The following INTS7 variants were observed in gnomAD, a reference collection of about 807,000 sequenced individuals.
The protein encoded by INTS7 is chromosome 1 open reading frame 73.
In INTS7, 46 loss-of-function variants were observed where a neutral mutation model predicts 109.2. The observed-to-expected ratio is 0.42, with a 90% CI of 0.33 to 0.54. INTS7 has a LOEUF of 0.54. INTS7 is among the 20% of genes least tolerant of loss of function. The pLI is 0.07. For synonymous variants in INTS7, 412 were observed against 402.9 expected, an observed-to-expected ratio of 1.02 and a Z score of -0.27; for missense variants, 929 against 1,132.4, an observed-to-expected ratio of 0.82 and a Z score of 2.58.
chr1:212,024,119 A>C (rs1200197009), intron 1 of INTS7, among the ~76,000 whole-genome samples: 1 of 152,170 alleles, frequency 6.6e-6, no homozygotes, highest in East Asian at 1.9e-4. Context: ...GCCTTACAAA[A>C]TAGTTTGAAA....
At chr1:211,988,034 G>C in intron 7 of INTS7, 31 bp from the exon 8 acceptor site, 37 of 1,099,452 alleles carry the variant, frequency 3.4e-5, no homozygotes, top group Non-Finnish European at 4.7e-5. Flanking sequence ...GAATATAGAA[G>C]TTAAAACATC....
chr1:212,009,690 C>T (rs1236940892), intron 5 of INTS7, among the ~76,000 whole-genome samples: 1 of 152,230 alleles, frequency 6.6e-6, no homozygotes, highest in Non-Finnish European at 1.5e-5. Flanking sequence ...TCCTTTATTA[C>T]ACCTTCCTTG....
In INTS7 at chr1:211,944,725, C is replaced by T. The variant is rs559004655; in HGVS notation, c.2601+59G>A. ...TTTAACCATGAAAAACACTGGAAAACTTCCATCAATGAGCTCATATAAAAC... is the reference window on the plus strand; with the variant it reads ...TTTAACCATGAAAAACACTGGAAAATTTCCATCAATGAGCTCATATAAAAC... On this transcript the variant is annotated intron_variant, in intron 19 of 19. Coordinates refer to ENST00000366994, the MANE Select transcript of INTS7 (RefSeq NM_015434.4). The T allele has an allele frequency of 2.0e-4, 283 of 1,383,724 alleles. No individual in the cohort carries two copies. In the African/African-American group the frequency reaches 3.8e-3, roughly 18 times the overall value. 85.7% of individuals were successfully genotyped at this position (1,383,724 alleles called of 1,614,324 possible).
Position 211,942,167 on chromosome 1 carries a change from C to T in INTS7, c.2602-56G>A. 2 of 1,567,762 alleles carry T rather than the reference C, an allele frequency of 1.3e-6. No homozygotes were observed. The highest frequency in any genetic ancestry group is 1.7e-6 in the Non-Finnish European group (2 of 1,149,112). On this transcript the variant is annotated intron_variant, in intron 19 of 19. Transcript: ENST00000366994. This position sits in a 1 kb window ranked among gnomAD's most constrained non-coding sequence, Gnocchi z 4.2. ...ATGGCTAACATTTCTTCAGTGCTTA[C>T]TATGAGTTAGGCCCTGTTCTAAGAG...
Position 211,987,328 on chromosome 1 carries a change from C to A in INTS7, c.997+558G>T, listed in dbSNP as rs368659872. 5.4e-3 allele frequency among the ~76,000 whole-genome samples: 812 copies of A among 151,438 alleles called. 4 individuals are homozygous for A. Among genetic ancestry groups the A allele is most frequent in the African/African-American group, 0.019 (769 of 41,334 alleles). On this transcript the variant is annotated intron_variant, in intron 8 of 19. Transcript: ENST00000366994. ...AAACAACAACAACAACAAAAAAAAACCCAAAATGACAAAAAAGTTTAGCTT... is the reference window on the plus strand; with the variant it reads ...AAACAACAACAACAACAAAAAAAAAACCAAAATGACAAAAAAGTTTAGCTT...
At position 211,976,804 on chromosome 1, in the gene INTS7, A is replaced by G. The variant is rs191934380; in HGVS notation, c.1471-85T>C. ...AACCTACCCCAAAGGGAGGAAAACT[A>G]ATTAGAGCCCACTGCAAAAGAACAA... On this transcript the variant is annotated intron_variant, in intron 11 of 19. Coordinates refer to ENST00000366994, the MANE Select transcript of INTS7 (RefSeq NM_015434.4). 4.0e-4 allele frequency: 505 copies of G among 1,277,182 alleles called. 2 individuals carry two copies. The African/African-American group carries it at 6.9e-3, about 17-fold the overall frequency. The allele number at this position is 1,277,182 out of a possible 1,614,324, so 79.1% of individuals were successfully genotyped here.
At chr1:211,943,465 T>A (rs1662717996) in intron 19 of INTS7, among the ~76,000 whole-genome samples, 1 of 152,140 alleles carries the variant, frequency 6.6e-6, no homozygotes, top group Admixed American at 6.5e-5. Context: ...AAATTCTCAT[T>A]ACAACCTTCT....
rs376658832 is a variant in INTS7 at position 212,009,275 on chromosome 1, T to C, written c.557-1826A>G. ...TTTTAAGATAAAATTTAAGGAACAA[T>C]AAGGTAATGAATCTTAAGTGTACAG... On this transcript the variant is annotated intron_variant, in intron 5 of 19. Coordinates refer to ENST00000366994, the MANE Select transcript of INTS7 (RefSeq NM_015434.4). 2.0e-5 allele frequency among the ~76,000 whole-genome samples: 3 copies of C among 152,290 alleles called. No individual in the cohort carries two copies. The East Asian group carries it at 5.8e-4, about 29-fold the overall frequency.
chr1:211,980,639 T>C (rs1664622547), intron 10 of INTS7, among the ~76,000 whole-genome samples: 1 of 152,076 alleles, frequency 6.6e-6, no homozygotes, highest in Non-Finnish European at 1.5e-5. Context: ...GGTCTCAGTA[T>C]GCTGCCCAGG....
intron 1 of INTS7, 95 bp from the exon 2 acceptor site, chr1:212,021,307 A>T: frequency 9.7e-7 from 1 of 1,028,950 alleles, no homozygotes; most frequent in Non-Finnish European, 1.4e-6. Context: ...GATAGTAAAG[A>T]AATAATCATT....
At chr1:211,943,304 A>G (rs1337757891) in intron 19 of INTS7, among the ~76,000 whole-genome samples, 1 of 151,512 alleles carries the variant, frequency 6.6e-6, no homozygotes, top group African/African-American at 2.4e-5. Flanking sequence ...GCCTCTTGAG[A>G]GGTAGGTCAA....
At chr1:212,025,660 G>C in intron 1 of INTS7, 1 of 198,058 alleles carries the variant, frequency 5.0e-6, no homozygotes, top group Non-Finnish European at 1.1e-5. Flanking sequence ...ACTCCTCTCT[G>C]GATCCTGCCT....
intron 1 of INTS7, among the ~76,000 whole-genome samples, chr1:212,026,979 G>T (rs1330714272): frequency 6.6e-6 from 1 of 152,206 alleles, no homozygotes; most frequent in African/African-American, 2.4e-5. Flanking sequence ...TGAAGCGAGA[G>T]AATGTTTTGA....
intron 18 of INTS7, 54 bp from the exon 19 acceptor site, chr1:211,945,023 G>C: frequency 3.2e-6 from 5 of 1,546,044 alleles, no homozygotes; most frequent in Non-Finnish European, 3.6e-6. Context: ...GCTTCCTTCC[G>C]ACAAACATGT....
chr1:212,018,131 C>T (rs1666521417), intron 3 of INTS7, among the ~76,000 whole-genome samples: 1 of 152,096 alleles, frequency 6.6e-6, no homozygotes. Context: ...GCCTGAGAAT[C>T]TTTTTATTTT....
chr1:211,947,002 G>GCGC (rs1662875034), intron 17 of INTS7, among the ~76,000 whole-genome samples: 1 of 152,136 alleles, frequency 6.6e-6, no homozygotes. Flanking sequence ...AGAACTATCA[G>GCGC]TATATTATTA....
intron 7 of INTS7, among the ~76,000 whole-genome samples, chr1:211,998,327 A>G (rs1297161522): frequency 6.6e-6 from 1 of 152,254 alleles, no homozygotes; most frequent in Non-Finnish European, 1.5e-5. Context: ...TGATTCCAAG[A>G]GTTGCCATAA....
In INTS7 at chr1:211,941,831, C is replaced by T. The variant is rs757760066; in HGVS notation, c.2882G>A (p.Arg961Gln). 7 of 1,613,604 alleles carry T rather than the reference C, an allele frequency of 4.3e-6. No individual in the cohort carries two copies. Among genetic ancestry groups the T allele is most frequent in the African/African-American group, 1.3e-5 (1 of 74,874 alleles). ...AGTGCATTCATTCCATGGTTAAAAC[C>T]GTGTGTAGGCATTGCGTTGCTGCTG... ...QQQQQRNAYT[R>Q]F The change falls in exon 20 of 20, where the codon CGG (arginine) becomes CAG (glutamine). Residue 961 changes from arginine (R) to glutamine (Q), a missense_variant. This residue lies in a region of INTS7 where 787 missense variants were observed against 901.1 expected (regional missense o/e 0.87). Transcript: ENST00000366994.
At chr1:211,945,250 ATTTC>A (rs1662800768) in intron 18 of INTS7, among the ~76,000 whole-genome samples, 1 of 152,190 alleles carries the variant, frequency 6.6e-6, no homozygotes, top group Non-Finnish European at 1.5e-5. Context: ...GTGGTGAGGC[ATTTC>A]TTTGACAATG....
Sources: allele counts gnomAD v4.1 joint callset (sites outside exome capture counted in the v4.1 genomes callset), GRCh38; gene constraint gnomAD v4.1.1; regional missense constraint gnomAD v4.1.1; non-coding constraint Gnocchi (gnomAD v3.1); transcripts MANE v1.5; gene names NCBI Gene and HGNC (gene_info 2026-07-23, HGNC 2026-07-21).